The following LITAF variants were observed in gnomAD, a reference collection of about 807,000 sequenced individuals.
LITAF encodes the protein lipopolysaccharide-induced tumor necrosis factor-alpha factor.
A neutral mutation model predicts 14.5 loss-of-function variants in LITAF; 9 were observed. The ratio of observed to expected loss-of-function variants is 0.62; its 90% CI spans 0.37 to 1.08. The LOEUF is 1.08. Ranked by LOEUF, LITAF falls within the 50% of genes least tolerant of loss-of-function variation. The pLI is 0.01. For missense variants in LITAF, 206 were observed against 213.4 expected (o/e 0.97, Z 0.22); for synonymous variants, 98 against 88.2 (o/e 1.11, Z -0.62).
In LITAF at chr16:11,549,307, G is replaced by A. The variant is rs961734087; in HGVS notation, c.*330C>T. ...AAAGGCCCATGGAAGCAGGAAAAAA[G>A]AGCCACTGATGGCAGATCACAGGAA... On this transcript the variant is annotated 3_prime_UTR_variant, in exon 4 of 4. Transcript: ENST00000622633. The surrounding 1 kb of genome is among the most constrained non-coding windows in gnomAD (Gnocchi z 4.6). The A allele has an allele frequency of 3.6e-5, 16 of 450,360 alleles. No individual in the cohort carries two copies. Among genetic ancestry groups the A allele is most frequent in the Admixed American group, 3.1e-4 (13 of 41,972 alleles). The allele number at this position is 450,360 out of a possible 1,614,324, so 27.9% of individuals were successfully genotyped here.
intron 3 of LITAF, among the ~76,000 whole-genome samples, chr16:11,616,600 G>A (rs1053604739): frequency 2.0e-5 from 3 of 152,114 alleles, no homozygotes; most frequent in Admixed American, 6.5e-5. Flanking sequence ...TGTCAGGTAC[G>A]TGAGGCAAAG....
chr16:11,592,943 G>C (rs2064856649), intron 1 of LITAF, among the ~76,000 whole-genome samples: 1 of 152,074 alleles, frequency 6.6e-6, no homozygotes, highest in Admixed American at 6.6e-5. Flanking sequence ...GGCCGAGGTG[G>C]GTTGATCACG....
At chr16:11,576,907 G>A (rs552573890) in intron 1 of LITAF, among the ~76,000 whole-genome samples, 1 of 152,198 alleles carries the variant, frequency 6.6e-6, no homozygotes, top group Non-Finnish European at 1.5e-5. Flanking sequence ...TAGTCCAACT[G>A]TCTGTCTTTG....
upstream of LITAF, among the ~76,000 whole-genome samples, chr16:11,589,834 G>C (rs1201193780): frequency 6.6e-6 from 1 of 151,728 alleles, no homozygotes; most frequent in Admixed American, 6.6e-5. Context: ...ATGTTGCCCA[G>C]ACTGGTCTCA....
intron 2 of LITAF, among the ~76,000 whole-genome samples, chr16:11,556,080 T>C (rs1039814024): frequency 1.3e-5 from 2 of 152,162 alleles, no homozygotes; most frequent in Non-Finnish European, 2.9e-5. Flanking sequence ...GCAACTTGCA[T>C]TGAGGGTGAG....
rs1157807529 is a variant in LITAF at position 11,548,576 on chromosome 16, C to T, written c.*1061G>A. 2.2e-6 allele frequency: 1 copy of T among 446,368 alleles called. No homozygotes were observed. Among genetic ancestry groups the T allele is most frequent in the Non-Finnish European group, 4.4e-6 (1 of 225,240 alleles). The allele number at this position is 446,368 out of a possible 1,614,324, so 27.7% of individuals were successfully genotyped here. ...AAGTAAAGGCAGTAGATGAAATTAT[C>T]CATTTCTTTTTCTTTTTTTTTTTTT... On this transcript the variant is annotated 3_prime_UTR_variant, in exon 4 of 4. Coordinates refer to ENST00000622633, the MANE Select transcript of LITAF (RefSeq NM_001136472.2).
chr16:11,619,208 T>C (rs1032602997), intron 3 of LITAF, among the ~76,000 whole-genome samples: 1 of 147,532 alleles, frequency 6.8e-6, no homozygotes, highest in East Asian at 2.0e-4. Context: ...CTACTTGGGA[T>C]GCTGAGGGAG....
chr16:11,588,373 G>A (rs943264556), upstream of LITAF, among the ~76,000 whole-genome samples: 1 of 152,008 alleles, frequency 6.6e-6, no homozygotes, highest in Non-Finnish European at 1.5e-5. Flanking sequence ...AAGCGGTGGA[G>A]TGGTGGCATG....
chr16:11,601,772 C>T (rs1387629529), upstream of LITAF, among the ~76,000 whole-genome samples: 1 of 152,158 alleles, frequency 6.6e-6, no homozygotes, highest in Non-Finnish European at 1.5e-5. Flanking sequence ...GTTGCCCAGA[C>T]TGGTCTCAAA....
chr16:11,633,690 T>C (rs1252814943), intron 2 of LITAF: 2 of 152,170 alleles, frequency 1.3e-5, no homozygotes, highest in East Asian at 1.9e-4. Context: ...ATTCAGCATA[T>C]AGTCAAGAAA....
intron 1 of LITAF, among the ~76,000 whole-genome samples, chr16:11,571,068 T>C (rs1005202683): frequency 6.6e-6 from 1 of 152,134 alleles, no homozygotes; most frequent in African/African-American, 2.4e-5. Context: ...CTGACACTGC[T>C]ATTTTTTGTG....
chr16:11,632,429 A>G lies in LITAF; in HGVS notation c.85+1104T>C, dbSNP rs1197988615. Among the ~76,000 whole-genome samples, 1 of 151,768 alleles carries G rather than the reference A, an allele frequency of 6.6e-6. No individual in the cohort carries two copies. The highest frequency in any genetic ancestry group is 2.4e-5 in the African/African-American group (1 of 41,330). ...AGGGAGAGGGACAGAGAGGGCTACT[A>G]TGCTCCACTGTCTGCTGGAAACCCT... On this transcript the variant is annotated intron_variant, in intron 3 of 3. Transcript: ENST00000574848. This position sits in a 1 kb window ranked among gnomAD's most constrained non-coding sequence, Gnocchi z 4.8.
At chr16:11,626,790 TCTA>T (rs1481784122) in intron 3 of LITAF, among the ~76,000 whole-genome samples, 2 of 152,162 alleles carry the variant, frequency 1.3e-5, no homozygotes, top group Non-Finnish European at 2.9e-5. Context: ...CATTTCAAGC[TCTA>T]CTAGGTCCAC....
At chr16:11,563,392 A>T (rs553592458) in intron 1 of LITAF, among the ~76,000 whole-genome samples, 1 of 152,216 alleles carries the variant, frequency 6.6e-6, no homozygotes, top group East Asian at 1.9e-4. Flanking sequence ...TCAGATGATC[A>T]GCCCGCCTTG....
rs1012511079 is a variant in LITAF, at chr16:11,614,589, T to C, written c.85+18944A>G. On this transcript the variant is annotated intron_variant, in intron 3 of 3. Coordinates refer to the LITAF transcript ENST00000574848. Reference sequence around the variant, plus strand: ...TGCTGGGATTACAGGCATGAGCCACTGTGCCCAGGCTTTTTCTGGTTTTTT... The same window carrying C: ...TGCTGGGATTACAGGCATGAGCCACCGTGCCCAGGCTTTTTCTGGTTTTTT... Among the ~76,000 whole-genome samples the C allele has an allele frequency of 2.6e-5, 4 of 151,938 alleles. No individual in the cohort carries two copies. In the East Asian group the frequency reaches 7.7e-4, roughly 29 times the overall value.
chr16:11,579,267 C>A (rs111944147), intron 1 of LITAF, among the ~76,000 whole-genome samples: 1,717 of 150,914 alleles, frequency 0.011, 35 homozygotes, highest in African/African-American at 0.04. Context: ...CTGGCTAACA[C>A]GGTGAAACCC....
At chr16:11,569,980 G>A (rs1242871442) in intron 1 of LITAF, among the ~76,000 whole-genome samples, 1 of 150,736 alleles carries the variant, frequency 6.6e-6, no homozygotes, top group Non-Finnish European at 1.5e-5. Context: ...GCAGTGAGAC[G>A]AGACGCACTG....
intron 3 of LITAF, among the ~76,000 whole-genome samples, chr16:11,622,457 G>A (rs2065057141): frequency 6.6e-6 from 1 of 152,190 alleles, no homozygotes; most frequent in South Asian, 2.1e-4. Flanking sequence ...AGCAATCACG[G>A]GAGAGCCACT....
At chr16:11,616,613 CA>C (rs1443479349) in intron 3 of LITAF, among the ~76,000 whole-genome samples, 2 of 152,074 alleles carry the variant, frequency 1.3e-5, no homozygotes, top group East Asian at 3.9e-4. Flanking sequence ...AGGCAAAGAC[CA>C]AATACATATT....
Sources: gnomAD v4.1 joint callset for allele counts (sites outside exome capture counted in the v4.1 genomes callset) on GRCh38, gnomAD v4.1.1 for gene constraint, Gnocchi (gnomAD v3.1) non-coding constraint, MANE v1.5 for transcripts, NCBI Gene and HGNC (gene_info 2026-07-23, HGNC 2026-07-21) for gene names.